The following SEM1 variants were observed in gnomAD, a reference collection of about 807,000 sequenced individuals.
The protein encoded by SEM1 is 26S proteasome complex subunit SEM1.
In SEM1, 3 loss-of-function variants were observed where a neutral mutation model predicts 12.7. That is an observed-to-expected ratio of 0.24 (90% CI 0.11 to 0.61). The LOEUF (loss-of-function observed/expected upper bound fraction) is 0.61, where lower values mean the gene tolerates loss of function less well. Ranked by LOEUF, SEM1 falls within the 20% of genes least tolerant of loss-of-function variation. The pLI is 0.88. For synonymous variants in SEM1, 30 were observed against 27.8 expected (o/e 1.08, Z -0.25); for missense variants, 59 against 81.3 (o/e 0.73, Z 1.06).
intron 2 of SEM1, among the ~76,000 whole-genome samples, chr7:96,560,976 C>A (rs1329449572): frequency 6.6e-6 from 1 of 152,032 alleles, no homozygotes; most frequent in African/African-American, 2.4e-5. Context: ...GAGACAGGGT[C>A]TTGCTATATT....
At chr7:96,490,855 A>G (rs1802978618) in intron 1 of SEM1, among the ~76,000 whole-genome samples, 1 of 151,794 alleles carries the variant, frequency 6.6e-6, no homozygotes, top group African/African-American at 2.4e-5. Context: ...AATATCAGAT[A>G]TGGGGGTGGT....
At chr7:96,518,852 A>G (rs1295997352) in intron 2 of SEM1, among the ~76,000 whole-genome samples, 1 of 152,198 alleles carries the variant, frequency 6.6e-6, no homozygotes, top group Admixed American at 6.5e-5. Flanking sequence ...TGTACATGCA[A>G]TGGCCTGCAT....
downstream of SEM1, among the ~76,000 whole-genome samples, chr7:96,684,857 G>A (rs1158723746): frequency 6.6e-6 from 1 of 152,056 alleles, no homozygotes; most frequent in Non-Finnish European, 1.5e-5. Context: ...TGTGGAATTG[G>A]TTTAAAAGCA....
chr7:96,565,683 C>T (rs1187288419), intron 2 of SEM1, among the ~76,000 whole-genome samples: 1 of 151,654 alleles, frequency 6.6e-6, no homozygotes, highest in African/African-American at 2.4e-5. Context: ...ACTAATTTTA[C>T]TGATGAAAAA....
At chr7:96,648,101 GA>G (rs766778630) in intron 2 of SEM1, among the ~76,000 whole-genome samples, 1 of 152,108 alleles carries the variant, frequency 6.6e-6, no homozygotes, top group Non-Finnish European at 1.5e-5. Flanking sequence ...TATTCACAGG[GA>G]AAAATGCTTA....
At chr7:96,510,441 T>G (rs926456227) in intron 2 of SEM1, among the ~76,000 whole-genome samples, 5 of 152,198 alleles carry the variant, frequency 3.3e-5, no homozygotes, top group African/African-American at 1.2e-4. Flanking sequence ...ACACAGTGGT[T>G]ATATATTTGT....
intron 2 of SEM1, among the ~76,000 whole-genome samples, chr7:96,513,647 G>A (rs1803998820): frequency 6.6e-6 from 1 of 151,938 alleles, no homozygotes; most frequent in African/African-American, 2.4e-5. Flanking sequence ...TGGCCAACAT[G>A]GTGAAACCCC....
chr7:96,536,862 C>T (rs908608093), intron 2 of SEM1, among the ~76,000 whole-genome samples: 1 of 151,806 alleles, frequency 6.6e-6, no homozygotes, highest in East Asian at 1.9e-4. Context: ...TTTTCAAACA[C>T]TCTTAACAAT....
chr7:96,609,367 A>G (rs1173095731), intron 2 of SEM1, among the ~76,000 whole-genome samples: 1 of 152,276 alleles, frequency 6.6e-6, no homozygotes, highest in East Asian at 1.9e-4. Context: ...CCCTCCCCAT[A>G]CCATGCATTG....
chr7:96,636,851 G>A (rs376309302), intron 2 of SEM1, among the ~76,000 whole-genome samples: 1 of 151,956 alleles, frequency 6.6e-6, no homozygotes, highest in East Asian at 1.9e-4. Context: ...GAGATTCACT[G>A]GATTGGTCTG....
In SEM1 at chr7:96,539,478, C is replaced by CTACAATATG. The variant is rs200646232; in HGVS notation, c.171-32789_171-32781dup. Among the ~76,000 whole-genome samples the CTACAATATG allele has an allele frequency of 8.0e-3, 1,211 of 151,390 alleles. 13 individuals are homozygous for CTACAATATG. Among genetic ancestry groups the CTACAATATG allele is most frequent in the Middle Eastern group, 0.017 (5 of 292 alleles). ...ACAAGATTTTGTTATTGTGTTGCTC[C>CTACAATATG]TACAATATGGCACTGAGCCATTTAA... is the stretch of plus-strand genomic sequence containing the variant. On this transcript the variant is annotated intron_variant and NMD_transcript_variant, in intron 2 of 3. Coordinates refer to the SEM1 transcript ENST00000466986.
At chr7:96,609,288 T>A (rs750003925) in intron 2 of SEM1, among the ~76,000 whole-genome samples, 3 of 152,206 alleles carry the variant, frequency 2.0e-5, no homozygotes, top group Admixed American at 1.3e-4. Flanking sequence ...ATGGTAGTGG[T>A]GTTCTGTGGG....
upstream of SEM1, among the ~76,000 whole-genome samples, chr7:96,496,729 T>G (rs1319773563): frequency 1.3e-5 from 2 of 152,178 alleles, no homozygotes; most frequent in Non-Finnish European, 2.9e-5. Flanking sequence ...TTTGAATGAT[T>G]TCTACATAAT....
intron 2 of SEM1, among the ~76,000 whole-genome samples, chr7:96,693,711 C>T (rs1608740): frequency 0.98 from 148,565 of 151,828 alleles, 72,770 homozygotes; most frequent in East Asian, 1. Flanking sequence ...AGCTTGGCAG[C>T]TCCTCAAAAA....
intron 2 of SEM1, among the ~76,000 whole-genome samples, chr7:96,629,299 C>G (rs1402738388): frequency 6.6e-6 from 1 of 152,016 alleles, no homozygotes; most frequent in Non-Finnish European, 1.5e-5. Context: ...CAGCTATTTT[C>G]TAGATCCCGC....
At chr7:96,605,033 A>G (rs1306121352) in intron 2 of SEM1, among the ~76,000 whole-genome samples, 1 of 152,206 alleles carries the variant, frequency 6.6e-6, no homozygotes, top group East Asian at 1.9e-4. Context: ...CAACCTCCCC[A>G]TGTGAAATGG....
intron 2 of SEM1, among the ~76,000 whole-genome samples, chr7:96,630,713 C>G (rs917044811): frequency 2.0e-5 from 3 of 152,200 alleles, no homozygotes; most frequent in Admixed American, 6.5e-5. Flanking sequence ...ATCTTGCCAC[C>G]TAGCCACCAG....
chr7:96,673,038 T>G (rs548807063), downstream of SEM1: 7 of 136,046 alleles, frequency 5.1e-5, no homozygotes, highest in East Asian at 1.5e-3. Context: ...ATTAATTGTT[T>G]GTCTTTTAGG....
intron 2 of SEM1, among the ~76,000 whole-genome samples, chr7:96,609,170 C>A (rs1807470558): frequency 6.6e-6 from 1 of 152,110 alleles, no homozygotes; most frequent in Non-Finnish European, 1.5e-5. Flanking sequence ...TTCTGTTGAC[C>A]TTTCCTTAAA....
Sources: allele counts gnomAD v4.1 joint callset (sites outside exome capture counted in the v4.1 genomes callset), GRCh38; gene constraint gnomAD v4.1.1; transcripts MANE v1.5; gene names NCBI Gene and HGNC (gene_info 2026-07-23, HGNC 2026-07-21).